ZNF280B: variants seen among roughly 807,000 people sequenced by gnomAD.
ZNF280B encodes the protein zinc finger protein 280B.
ZNF280B carries 16 observed loss-of-function variants against 38.0 expected under a neutral mutation model. That is an observed-to-expected ratio of 0.42 (90% CI 0.28 to 0.64). The LOEUF (loss-of-function observed/expected upper bound fraction) is 0.64. Ranked by LOEUF, ZNF280B falls within the 30% of genes least tolerant of loss-of-function variation. The pLI is 0.21. For missense variants in ZNF280B, 581 were observed against 639.6 expected (o/e 0.91, Z 0.99); for synonymous variants, 253 against 230.6 (o/e 1.10, Z -0.88).
intron 3 of ZNF280B, among the ~76,000 whole-genome samples, chr22:22,491,457 C>CTT (rs55720546): frequency 1.6e-4 from 18 of 113,970 alleles, no homozygotes; most frequent in South Asian, 2.7e-4. Flanking sequence ...TGTCTTTTTT[C>CTT]TTTTTTTTTT....
At chr22:22,490,252 T>C (rs2061566551) in intron 3 of ZNF280B, among the ~76,000 whole-genome samples, 1 of 151,874 alleles carries the variant, frequency 6.6e-6, no homozygotes, top group Non-Finnish European at 1.5e-5. Context: ...CTTCTCCACA[T>C]AGCAAGCAGA....
In ZNF280B at chr22:22,487,667, A is replaced by C; in HGVS notation, c.*100T>G. On this transcript the variant is annotated 3_prime_UTR_variant, in exon 4 of 4. Transcript: ENST00000626650. Reference sequence around the variant, plus strand: ...TCATATATAATCCACTAGTTTCACTATTTTTGGTGCTACTGAATAATGTAT... The same window carrying C: ...TCATATATAATCCACTAGTTTCACTCTTTTTGGTGCTACTGAATAATGTAT... 2.1e-6 allele frequency: 2 copies of C among 957,762 alleles called. No homozygotes were observed. Among genetic ancestry groups the C allele is most frequent in the Non-Finnish European group, 3.1e-6 (2 of 648,870 alleles). 59.3% of individuals were successfully genotyped at this position (957,762 alleles called of 1,614,324 possible). A position where few individuals can be genotyped will look rare whatever the true frequency, so the allele number is the denominator to read the frequency against.
intron 2 of ZNF280B, among the ~76,000 whole-genome samples, chr22:22,506,747 C>T (rs2061947299): frequency 6.6e-6 from 1 of 151,906 alleles, no homozygotes; most frequent in Non-Finnish European, 1.5e-5. Context: ...CTTAAATAAA[C>T]AAGTGCACAT....
rs926733663 is a variant in ZNF280B at position 22,488,191 on chromosome 22, T to C, written c.1208A>G (p.Tyr403Cys). The C allele has an allele frequency of 8.7e-6, 14 of 1,613,776 alleles. No individual in the cohort carries two copies. Among genetic ancestry groups the C allele is most frequent in the Admixed American group, 5.0e-5 (3 of 59,962 alleles). ...KDHHKPGEMPYVCQVCHYRSS... is the reference protein window; with the variant it reads ...KDHHKPGEMPCVCQVCHYRSS... Reference sequence around the variant, plus strand: ...TCTATAATGGCAAACCTGGCACACATAGGGCATTTCGCCAGGCTTATGATG... The same window carrying C: ...TCTATAATGGCAAACCTGGCACACACAGGGCATTTCGCCAGGCTTATGATG... The change falls in exon 4 of 4, where the codon TAT (tyrosine) becomes TGT (cysteine). Residue 403 changes from tyrosine (Y) to cysteine (C), a missense_variant. By Grantham distance (194) the Tyr-to-Cys change is radical. Transcript: ENST00000626650.
At chr22:22,506,441 C>T (rs1000870646) in intron 2 of ZNF280B, among the ~76,000 whole-genome samples, 1 of 151,686 alleles carries the variant, frequency 6.6e-6, no homozygotes, top group Admixed American at 6.6e-5. Flanking sequence ...AATAAAATCA[C>T]GAAAATCAAC....
At chr22:22,491,893 GTTCATAACTCACCAAT>G (rs1393490714) in intron 3 of ZNF280B, among the ~76,000 whole-genome samples, 1 of 151,860 alleles carries the variant, frequency 6.6e-6, no homozygotes, top group Non-Finnish European at 1.5e-5. Context: ...AGAAACCAAG[GTTCATAACTCACCAAT>G]TTCTAAAAAC....
chr22:22,505,872 A>T (rs1336596382), intron 2 of ZNF280B, among the ~76,000 whole-genome samples: 7 of 152,022 alleles, frequency 4.6e-5, no homozygotes, highest in African/African-American at 1.7e-4. Context: ...GATCTCACTC[A>T]TTTCATTAGG....
At chr22:22,504,093 A>G (rs965287300) in intron 2 of ZNF280B, among the ~76,000 whole-genome samples, 1 of 152,002 alleles carries the variant, frequency 6.6e-6, no homozygotes, top group Non-Finnish European at 1.5e-5. Flanking sequence ...ACCTAAACAC[A>G]CTTGTAGTTT....
At chr22:22,492,489 T>C (rs2061615251) in intron 3 of ZNF280B, among the ~76,000 whole-genome samples, 1 of 151,990 alleles carries the variant, frequency 6.6e-6, no homozygotes, top group African/African-American at 2.4e-5. Context: ...CCAAATGTCC[T>C]GTGGGAAAAC....
Position 22,484,559 on chromosome 22 carries a change from T to C in ZNF280B, c.*3208A>G, listed in dbSNP as rs2061481691. 6.6e-6 allele frequency: 1 copy of C among 152,350 alleles called. No homozygotes were observed. The allele number at this position is 152,350 out of a possible 1,614,324, so 9.4% of individuals were successfully genotyped here. ...AAATTCACAAAGGGCAATAACAAAATAGTAATCTTGACATATTCAATATAT... is the reference window on the plus strand; with the variant it reads ...AAATTCACAAAGGGCAATAACAAAACAGTAATCTTGACATATTCAATATAT... On this transcript the variant is annotated 3_prime_UTR_variant, in exon 4 of 4. Coordinates refer to ENST00000626650, the MANE Select transcript of ZNF280B (RefSeq NM_080764.4).
chr22:22,508,567 G>A (rs1260024518), intron 1 of ZNF280B, 92 bp downstream of exon 1: 1 of 152,150 alleles, frequency 6.6e-6, no homozygotes, highest in African/African-American at 2.4e-5. Context: ...GGCCAAGCGC[G>A]GTGTCGCGAC....
rs1330912625 is a variant in ZNF280B, at chr22:22,489,221, T to C, written c.178A>G (p.Ile60Val). The change falls in exon 4 of 4, where the codon ATT becomes GTT. Residue 60 changes from isoleucine to valine, a missense_variant. Transcript: ENST00000626650. The part of the protein sequence containing the change: ...TSNSKPVVSN[I>V]LNRVTPGSWS... ...GAACCCGGGGTGACTCTGTTCAAAA[T>C]GTTTGAAACGACTGGTTTTGAATTT... is the stretch of plus-strand genomic sequence containing the variant. 19 of 1,613,832 alleles carry C rather than the reference T, an allele frequency of 1.2e-5. No homozygotes were observed. Among genetic ancestry groups the C allele is most frequent in the Middle Eastern group, 1.7e-4 (1 of 6,052 alleles).
chr22:22,508,934 A>C (rs1446488558), upstream of ZNF280B: 1 of 152,420 alleles, frequency 6.6e-6, no homozygotes, highest in Non-Finnish European at 1.5e-5. Context: ...GGGCAGCAGC[A>C]ATACCCCTGA....
At chr22:22,491,007 A>G (rs2061583575) in intron 3 of ZNF280B, among the ~76,000 whole-genome samples, 1 of 151,222 alleles carries the variant, frequency 6.6e-6, no homozygotes, top group Admixed American at 6.6e-5. Context: ...ACATATTACG[A>G]TCCTATTTAT....
intron 2 of ZNF280B, among the ~76,000 whole-genome samples, chr22:22,506,430 A>C (rs1488037465): frequency 6.6e-6 from 1 of 151,936 alleles, no homozygotes; most frequent in Non-Finnish European, 1.5e-5. Context: ...CCAATAGATC[A>C]AATAAAATCA....
chr22:22,499,086 A>C (rs1247534918), intron 2 of ZNF280B, among the ~76,000 whole-genome samples: 1 of 151,734 alleles, frequency 6.6e-6, no homozygotes, highest in African/African-American at 2.4e-5. Flanking sequence ...GGCGTGAGCC[A>C]CTGTGCCCAG....
At chr22:22,504,611 C>T (rs1199484045) in intron 2 of ZNF280B, among the ~76,000 whole-genome samples, 2 of 151,866 alleles carry the variant, frequency 1.3e-5, no homozygotes, top group Non-Finnish European at 2.9e-5. Flanking sequence ...TACAGAAAGA[C>T]CATCATATAA....
chr22:22,499,216 T>C lies in ZNF280B; in HGVS notation c.-186-5036A>G, dbSNP rs187708098. Among the ~76,000 whole-genome samples, 56 of 152,074 alleles carry C rather than the reference T, an allele frequency of 3.7e-4. No homozygotes were observed. The East Asian group carries it at 9.8e-3, about 27-fold the overall frequency. ...ATTTATTTAAAAAATACAAGGATGG[T>C]TCATTCTATGAAAATCAACCAACAA... On this transcript the variant is annotated intron_variant, in intron 2 of 3. Transcript: ENST00000626650.
chr22:22,492,872 C>T (rs1248442912), intron 3 of ZNF280B, among the ~76,000 whole-genome samples: 14 of 146,594 alleles, frequency 9.6e-5, no homozygotes, highest in Admixed American at 2.1e-4. Flanking sequence ...GGTGACAGTG[C>T]GAGACTGCAT....
Sources: gnomAD v4.1 joint callset for allele counts (sites outside exome capture counted in the v4.1 genomes callset) on GRCh38, gnomAD v4.1.1 for gene constraint, MANE v1.5 for transcripts, NCBI Gene and HGNC (gene_info 2026-07-23, HGNC 2026-07-21) for gene names.